The following UQCC1 variants were observed in gnomAD, a reference collection of about 807,000 sequenced individuals.
The protein encoded by UQCC1 is ubiquinol-cytochrome c reductase complex assembly factor 1, also known as bFGF-repressed Zic-binding protein.
In UQCC1, 38 loss-of-function variants were observed where a neutral mutation model predicts 48.0. The observed-to-expected ratio is 0.79, with a 90% confidence interval of 0.61 to 1.04. The LOEUF is 1.04. UQCC1 is among the 50% of genes least tolerant of loss of function. The pLI, the probability that UQCC1 is intolerant of heterozygous loss-of-function variation, is 0.00. For missense variants in UQCC1, 368 were observed against 381.8 expected (o/e 0.96, Z 0.30); for synonymous variants, 111 against 129.2 (o/e 0.86, Z 0.95).
At chr20:35,366,755 G>C in intron 5 of UQCC1, 141 bp from the exon 6 acceptor site, 1 of 643,214 alleles carries the variant, frequency 1.6e-6, no homozygotes, top group Non-Finnish European at 2.7e-6. Flanking sequence ...AATAGGGCGA[G>C]ACCACAGGAT....
intron 6 of UQCC1, among the ~76,000 whole-genome samples, chr20:35,349,227 T>G (rs1017811718): frequency 2.6e-5 from 4 of 152,200 alleles, no homozygotes; most frequent in Admixed American, 1.3e-4. Context: ...GACAAGAAGC[T>G]GGGCAGGAGA....
At chr20:35,358,139 A>C (rs531433001) in intron 6 of UQCC1, among the ~76,000 whole-genome samples, 1 of 152,238 alleles carries the variant, frequency 6.6e-6, no homozygotes, top group East Asian at 1.9e-4. Context: ...GGATCACCTG[A>C]GGTCAGGAGT....
intron 2 of UQCC1, among the ~76,000 whole-genome samples, chr20:35,386,649 G>A (rs2061947718): frequency 6.6e-6 from 1 of 152,154 alleles, no homozygotes; most frequent in African/African-American, 2.4e-5. Flanking sequence ...GCCAACAGCA[G>A]TTTCCACAAG....
chr20:35,319,314 G>C (rs2061096608), intron 7 of UQCC1, among the ~76,000 whole-genome samples: 1 of 152,172 alleles, frequency 6.6e-6, no homozygotes, highest in Non-Finnish European at 1.5e-5. Context: ...CCACAGGCCT[G>C]CTTTCCCAGC....
intron 4 of UQCC1, among the ~76,000 whole-genome samples, chr20:35,381,381 AC>A (rs2061865584): frequency 6.6e-6 from 1 of 152,178 alleles, no homozygotes; most frequent in Non-Finnish European, 1.5e-5. Flanking sequence ...TATATGGCAT[AC>A]CATGCAGCAA....
At chr20:35,373,453 C>T (rs544804743) in intron 5 of UQCC1, among the ~76,000 whole-genome samples, 9 of 152,146 alleles carry the variant, frequency 5.9e-5, no homozygotes, top group African/African-American at 1.9e-4. Flanking sequence ...CCAAGGAGGG[C>T]GGATCACGTG....
chr20:35,326,898 T>C (rs2425060), intron 7 of UQCC1, among the ~76,000 whole-genome samples: 56,202 of 152,012 alleles, frequency 0.37, 11,002 homozygotes, highest in African/African-American at 0.49. Context: ...CAGGTGAATA[T>C]AGATCAACAA....
rs753601900 is a variant in UQCC1 at position 35,304,035 on chromosome 20, A to G, written c.800T>C (p.Leu267Pro). Residue 267 changes from leucine to proline, a missense_variant, in exon 10 of 10, where the codon CTG (leucine) becomes CCG (proline). Coordinates refer to ENST00000374385, the MANE Select transcript of UQCC1 (RefSeq NM_018244.5). ...CCAGCTCACCTCCCCTGTCAGAAGC[A>G]GATCCTCCCCGTTCATGGAGTCCAG... ...QYLDSMNGED[L>P]LLTGEVSWRP... The G allele has an allele frequency of 6.2e-7, 1 of 1,614,176 alleles. No individual in the cohort carries two copies. Among genetic ancestry groups the G allele is most frequent in the South Asian group, 1.1e-5 (1 of 91,088 alleles).
chr20:35,367,867 A>AC (rs953953332), intron 5 of UQCC1, among the ~76,000 whole-genome samples: 19 of 151,904 alleles, frequency 1.3e-4, no homozygotes, highest in Middle Eastern at 3.4e-3. Flanking sequence ...GCTGTTCATC[A>AC]CCCCCCCAGA....
intron 1 of UQCC1, chr20:35,410,290 T>C (rs2062329476): frequency 6.6e-6 from 1 of 151,960 alleles, no homozygotes; most frequent in Non-Finnish European, 1.5e-5. Flanking sequence ...TCCCAGCACT[T>C]TGGGAGGCCG....
chr20:35,355,185 T>C (rs2061533357), intron 6 of UQCC1, among the ~76,000 whole-genome samples: 1 of 152,144 alleles, frequency 6.6e-6, no homozygotes, highest in Non-Finnish European at 1.5e-5. Flanking sequence ...ATTTTTCTCC[T>C]CATCACTGTT....
At chr20:35,326,322 G>A (rs1433497341) in intron 7 of UQCC1, among the ~76,000 whole-genome samples, 3 of 152,210 alleles carry the variant, frequency 2.0e-5, no homozygotes, top group Non-Finnish European at 4.4e-5. Flanking sequence ...ACAGAAAGAT[G>A]AAAACGGAAT....
At chr20:35,380,860 C>T (rs550559483) in intron 4 of UQCC1, among the ~76,000 whole-genome samples, 6 of 152,300 alleles carry the variant, frequency 3.9e-5, no homozygotes, top group Admixed American at 1.3e-4. Flanking sequence ...GGATGCTTTG[C>T]ATTATACTTA....
rs776136126 is a variant in UQCC1 at position 35,314,751 on chromosome 20, G to A, written c.588C>T (p.Ile196=). The A allele has an allele frequency of 6.2e-7, 1 of 1,602,500 alleles. No homozygotes were observed. Among genetic ancestry groups the A allele is most frequent in the South Asian group, 1.1e-5 (1 of 90,036 alleles). The stretch of plus-strand genomic sequence containing the variant: ...TCATGAGGATCATGTTCTTCTTCAG[G>A]ATATAGGGATTAACCTACAGAAACA... ...RGRVMGVNPY[I]LKKNMILMTN... The change falls in exon 8 of 10, where the codon ATC becomes ATT. Residue 196 remains isoleucine, a synonymous_variant. Transcript: ENST00000374385.
intron 7 of UQCC1, among the ~76,000 whole-genome samples, chr20:35,327,912 G>C (rs1272843933): frequency 6.6e-6 from 1 of 150,918 alleles, no homozygotes; most frequent in Non-Finnish European, 1.5e-5. Flanking sequence ...TGAGGCAGGA[G>C]AATTGCTTGA....
chr20:35,403,401 A>T (rs1409435973), intron 1 of UQCC1, among the ~76,000 whole-genome samples: 3 of 152,216 alleles, frequency 2.0e-5, no homozygotes, highest in Non-Finnish European at 4.4e-5. Context: ...ATGACACTCC[A>T]GTAGCAATAA....
At chr20:35,382,512 C>CTTTTTTTTTTTTTTTTTTTTTTTTT in intron 3 of UQCC1, among the ~76,000 whole-genome samples, 2 of 108,284 alleles carry the variant, frequency 1.8e-5, no homozygotes, top group Admixed American at 9.2e-5. Context: ...TTTCTTTTTT[C>CTTTTTTTTTTTTTTTTTTTTTTTTT]TTTTTTTTTT....
At chr20:35,325,298 TAATGCCACTG>T (rs1346977553) in intron 7 of UQCC1, among the ~76,000 whole-genome samples, 1 of 152,268 alleles carries the variant, frequency 6.6e-6, no homozygotes, top group Admixed American at 6.5e-5. Flanking sequence ...TGAATGTACT[TAATGCCACTG>T]AATTGAGCAT....
chr20:35,410,791 A>G (rs1017662670), intron 1 of UQCC1, among the ~76,000 whole-genome samples: 1 of 148,852 alleles, frequency 6.7e-6, no homozygotes, highest in African/African-American at 2.5e-5. Flanking sequence ...CTAAATTCAG[A>G]ACATTCTAAT....
Sources: gnomAD v4.1 joint callset for allele counts (sites outside exome capture counted in the v4.1 genomes callset) on GRCh38, gnomAD v4.1.1 for gene constraint, MANE v1.5 for transcripts, NCBI Gene and HGNC (gene_info 2026-07-23, HGNC 2026-07-21) for gene names.